NKIRAS2: variants seen among roughly 807,000 people sequenced by gnomAD.
The protein encoded by NKIRAS2 is NF-kappa-B inhibitor-interacting Ras-like protein 2.
In NKIRAS2, 15 loss-of-function variants were observed where a neutral mutation model predicts 20.7. That is an observed-to-expected ratio of 0.73 (90% confidence interval 0.49 to 1.12). NKIRAS2 has a LOEUF of 1.12. Among genes scored for constraint, NKIRAS2 ranks in the 50% most tolerant of loss-of-function variants. The pLI is 0.00. For synonymous variants in NKIRAS2, 116 were observed against 101.4 expected (o/e 1.14, Z -0.87); for missense variants, 196 against 249.6 (o/e 0.79, Z 1.45).
At position 42,023,869 on chromosome 17, in the gene NKIRAS2, G is replaced by A; in HGVS notation, c.552G>A (p.Lys184=). 1 of 1,614,138 alleles carries A rather than the reference G, an allele frequency of 6.2e-7. No homozygotes were observed. Among genetic ancestry groups the A allele is most frequent in the African/African-American group, 1.3e-5 (1 of 75,026 alleles). ...KSAFPLSRKN[K]GSGSLDG The stretch of plus-strand genomic sequence containing the variant: ...CCTTCCCCCTCAGCCGGAAGAACAA[G>A]GGCAGCGGCTCCTTGGATGGCTGAA... Residue 184 remains lysine (K), a synonymous_variant, in exon 4 of 4, where the codon AAG becomes AAA. Transcript: ENST00000393885.
intron 2 of NKIRAS2, 193 bp downstream of exon 2, chr17:42,021,864 G>A (rs1226401766): frequency 5.4e-6 from 4 of 747,238 alleles, no homozygotes; most frequent in Non-Finnish European, 9.8e-6. Context: ...TCCAAGATAG[G>A]AAAGAGAAGC....
upstream of NKIRAS2, among the ~76,000 whole-genome samples, chr17:42,019,872 AC>A (rs2052396884): frequency 6.6e-6 from 1 of 152,258 alleles, no homozygotes; most frequent in African/African-American, 2.4e-5. Context: ...GATCGCCTTT[AC>A]AGAGAGAACA....
intron 2 of NKIRAS2, 154 bp from the exon 3 acceptor site, chr17:42,022,245 C>T (rs1453296831): frequency 1.8e-5 from 14 of 761,028 alleles, no homozygotes; most frequent in Non-Finnish European, 2.5e-5. Context: ...TTCCCCTAAA[C>T]CCAAATCATT....
At chr17:42,018,523 G>GA (rs2143415356), upstream of NKIRAS2, 1 of 152,356 alleles carries the variant, frequency 6.6e-6, no homozygotes, top group African/African-American at 2.4e-5. Flanking sequence ...AGCGACCACT[G>GA]AGTAGGGAGG....
intron 1 of NKIRAS2, 127 bp from the exon 2 acceptor site, chr17:42,021,437 T>A (rs1461585631): frequency 1.3e-5 from 9 of 719,060 alleles, no homozygotes; most frequent in Non-Finnish European, 1.7e-5. Context: ...GAACTCTCAG[T>A]TATGGACGTT....
intron 3 of NKIRAS2, chr17:42,023,173 AT>A: frequency 7.8e-6 from 2 of 255,512 alleles, no homozygotes; most frequent in Non-Finnish European, 8.1e-6. Flanking sequence ...TAAGTTTTGT[AT>A]TTTTAGTAGA....
intron 2 of NKIRAS2, 168 bp downstream of exon 2, chr17:42,021,839 G>A (rs782317007): frequency 2.6e-6 from 2 of 765,506 alleles, no homozygotes; most frequent in South Asian, 1.4e-5. Context: ...AAATACGGAG[G>A]GAGAAAGCCC....
At chr17:42,021,886 A>G in intron 2 of NKIRAS2, 2 of 730,144 alleles carry the variant, frequency 2.7e-6, no homozygotes. Flanking sequence ...GTCATGTCAC[A>G]CTTGTGCTTA....
chr17:42,022,034 A>C (rs929288227), intron 2 of NKIRAS2: 1 of 483,616 alleles, frequency 2.1e-6, no homozygotes, highest in Admixed American at 2.6e-5. Context: ...ACTTGGAGAA[A>C]CCCTGTCTCT....
chr17:42,022,649 C>T lies in NKIRAS2; in HGVS notation c.336+9C>T. ...CCAAGGACAAGAAGGAGGTGTGTGGCATAGGCTTCTGGTGGGAGCCTCAGT... is the reference window on the plus strand; with the variant it reads ...CCAAGGACAAGAAGGAGGTGTGTGGTATAGGCTTCTGGTGGGAGCCTCAGT... On this transcript the variant is annotated intron_variant, in intron 3 of 3. Coordinates refer to ENST00000393885, the MANE Select transcript of NKIRAS2 (RefSeq NM_017595.6). The T allele has an allele frequency of 6.2e-7, 1 of 1,607,110 alleles. No individual in the cohort carries two copies. Among genetic ancestry groups the T allele is most frequent in the Non-Finnish European group, 8.5e-7 (1 of 1,174,460 alleles).
rs376091977 is a variant in NKIRAS2, at chr17:42,022,461, G to A, written c.157G>A (p.Val53Met). 5.0e-6 allele frequency: 8 copies of A among 1,612,284 alleles called. No individual in the cohort carries two copies. The highest frequency in any genetic ancestry group is 1.3e-5 in the African/African-American group (1 of 74,914). ...YVGSIETDRG[V>M]REQVRFYDTR... ...GGGCTCCATTGAGACAGACCGGGGG[G>A]TGCGAGAGCAGGTGCGTTTCTATGA... is the stretch of plus-strand genomic sequence containing the variant. Residue 53 changes from valine (V) to methionine (M), a missense_variant, in exon 3 of 4, where the codon GTG becomes ATG. Physicochemically the swap from Val to Met is conservative, Grantham distance 21. Coordinates refer to ENST00000393885, the MANE Select transcript of NKIRAS2 (RefSeq NM_017595.6).
chr17:42,017,970 C>T (rs1555652291), upstream of NKIRAS2, among the ~76,000 whole-genome samples: 1 of 152,182 alleles, frequency 6.6e-6, no homozygotes, highest in African/African-American at 2.4e-5. Flanking sequence ...AGGGCGTCTT[C>T]ACCCTGCGCC....
intron 3 of NKIRAS2, 95 bp downstream of exon 3, chr17:42,022,735 C>G (rs1369040922): frequency 1.6e-5 from 24 of 1,460,918 alleles, no homozygotes; most frequent in Non-Finnish European, 2.0e-5. Context: ...ATTCTTCACT[C>G]CAAGGTGAGT....
chr17:42,019,972 T>C (rs2052398872), upstream of NKIRAS2: 1 of 152,296 alleles, frequency 6.6e-6, no homozygotes, highest in Non-Finnish European at 1.5e-5. Flanking sequence ...GGCCAGGTCC[T>C]GGCCGTCATT....
In NKIRAS2 at chr17:42,022,640, G is replaced by C; in HGVS notation, c.336G>C (p.Glu112Asp). Residue 112 changes from glutamate to aspartate, a missense_variant and splice_region_variant, in exon 3 of 4, where the codon GAG (glutamate) becomes GAC (aspartate). Physicochemically the swap from Glu to Asp is conservative, Grantham distance 45. Coordinates refer to ENST00000393885, the MANE Select transcript of NKIRAS2 (RefSeq NM_017595.6). ...KEIDKSKDKKEVTIVVLGNKC... is the reference protein window; with the variant it reads ...KEIDKSKDKKDVTIVVLGNKC... ...TTGACAAATCCAAGGACAAGAAGGAGGTGTGTGGCATAGGCTTCTGGTGGG... is the reference window on the plus strand; with the variant it reads ...TTGACAAATCCAAGGACAAGAAGGACGTGTGTGGCATAGGCTTCTGGTGGG... The C allele has an allele frequency of 6.2e-7, 1 of 1,610,816 alleles. No individual in the cohort carries two copies. The highest frequency in any genetic ancestry group is 1.1e-5 in the South Asian group (1 of 91,020).
At chr17:42,021,701 G>T in intron 2 of NKIRAS2, 30 bp downstream of exon 2, 1 of 1,585,864 alleles carries the variant, frequency 6.3e-7, no homozygotes, top group Non-Finnish European at 8.7e-7. Context: ...GAGGAACAGT[G>T]GAAGAAGTTG....
rs782206697 is a variant in NKIRAS2 at position 42,022,406 on chromosome 17, G to A, written c.102G>A (p.Glu34=). The A allele has an allele frequency of 4.4e-5, 69 of 1,583,154 alleles. No individual in the cohort carries two copies. Among genetic ancestry groups the A allele is most frequent in the Middle Eastern group, 3.4e-4 (2 of 5,956 alleles). Residue 34 remains glutamate, a synonymous_variant, in exon 3 of 4, where the codon GAG becomes GAA. Coordinates refer to ENST00000393885, the MANE Select transcript of NKIRAS2 (RefSeq NM_017595.6). ...LLYGNHVVGS[E]MIETQEDIYV... ...TTTCTCATTTTATACCAGGTTCGGA[G>A]ATGATCGAGACGCAGGAGGACATCT...
chr17:42,019,434 T>A (rs187022724), upstream of NKIRAS2, among the ~76,000 whole-genome samples: 2 of 152,340 alleles, frequency 1.3e-5, no homozygotes, highest in East Asian at 3.9e-4. Flanking sequence ...GGCAATGGCT[T>A]TCCATTGCCG....
chr17:42,024,024 C>T lies in NKIRAS2; in HGVS notation c.*131C>T. On this transcript the variant is annotated 3_prime_UTR_variant, in exon 4 of 4. Transcript: ENST00000393885. ...CAGGGAGCTCCCCGCCAGGCCACGCCCCAGCCACTTTGCTCCCTCTCACCT... is the reference window on the plus strand; with the variant it reads ...CAGGGAGCTCCCCGCCAGGCCACGCTCCAGCCACTTTGCTCCCTCTCACCT... 7.1e-7 allele frequency: 1 copy of T among 1,412,968 alleles called. No individual in the cohort carries two copies. Among genetic ancestry groups the T allele is most frequent in the Non-Finnish European group, 9.4e-7 (1 of 1,066,074 alleles). The allele number at this position is 1,412,968 out of a possible 1,614,324, so 87.5% of individuals were successfully genotyped here.
Sources: gnomAD v4.1 joint callset for allele counts (sites outside exome capture counted in the v4.1 genomes callset) on GRCh38, gnomAD v4.1.1 for gene constraint, MANE v1.5 for transcripts, NCBI Gene and HGNC (gene_info 2026-07-23, HGNC 2026-07-21) for gene names.